The following PARD3 variants were observed in gnomAD, a reference collection of about 807,000 sequenced individuals.
PARD3 encodes partitioning defective 3 homolog.
A neutral mutation model predicts 155.4 loss-of-function variants in PARD3; 75 were observed. The ratio of observed to expected loss-of-function variants is 0.48; its 90% CI spans 0.40 to 0.58. The LOEUF (loss-of-function observed/expected upper bound fraction) is 0.58, where lower values mean the gene tolerates loss of function less well. Among genes scored for constraint, PARD3 ranks in the 20% least tolerant of loss-of-function variants. The pLI, the probability that PARD3 is intolerant of heterozygous loss-of-function variation, is 0.00. For missense variants in PARD3, 1,642 were observed against 1,721.7 expected, an observed-to-expected ratio of 0.95 and a Z score of 0.82; for synonymous variants, 576 against 610.5, an observed-to-expected ratio of 0.94 and a Z score of 0.83.
intron 1 of PARD3, among the ~76,000 whole-genome samples, chr10:34,753,169 A>T (rs1230613785): frequency 6.6e-6 from 1 of 152,154 alleles, no homozygotes; most frequent in East Asian, 1.9e-4. Flanking sequence ...GTGTGTACAA[A>T]CGAAGTCTCT....
chr10:34,563,174 A>T (rs989303023), intron 2 of PARD3, among the ~76,000 whole-genome samples: 1 of 152,110 alleles, frequency 6.6e-6, no homozygotes, highest in African/African-American at 2.4e-5. Flanking sequence ...TCTACATACA[A>T]CCATATTTTG....
chr10:34,459,768 ATTTG>A (rs2077531611), intron 4 of PARD3, among the ~76,000 whole-genome samples: 1 of 152,160 alleles, frequency 6.6e-6, no homozygotes, highest in African/African-American at 2.4e-5. Flanking sequence ...AATTACTACA[ATTTG>A]AAAATGAAGA....
intron 22 of PARD3, among the ~76,000 whole-genome samples, chr10:34,167,099 A>G (rs1949566430): frequency 6.6e-6 from 1 of 152,198 alleles, no homozygotes; most frequent in African/African-American, 2.4e-5. Flanking sequence ...CTGCTGTCTA[A>G]ATCTGCCGCT....
chr10:34,253,391 T>C (rs1258010597), intron 22 of PARD3, among the ~76,000 whole-genome samples: 2 of 152,204 alleles, frequency 1.3e-5, no homozygotes, highest in Non-Finnish European at 2.9e-5. Flanking sequence ...ACCAAGAATG[T>C]TAAATTCTTC....
At chr10:34,756,608 C>G (rs868521740) in intron 1 of PARD3, among the ~76,000 whole-genome samples, 1 of 151,814 alleles carries the variant, frequency 6.6e-6, no homozygotes, top group Non-Finnish European at 1.5e-5. Context: ...CATGCACCAC[C>G]ACACTTGACT....
At chr10:34,145,481 C>T (rs546908937) in intron 22 of PARD3, among the ~76,000 whole-genome samples, 17 of 151,698 alleles carry the variant, frequency 1.1e-4, no homozygotes, top group Admixed American at 9.8e-4. Flanking sequence ...CTTTCTTTCT[C>T]ACTATACTGC....
At chr10:34,212,709 T>G (rs1339079983) in intron 22 of PARD3, among the ~76,000 whole-genome samples, 1 of 152,146 alleles carries the variant, frequency 6.6e-6, no homozygotes, top group African/African-American at 2.4e-5. Flanking sequence ...GATGGAGTTC[T>G]GTGGAGCAGC....
At chr10:34,137,279 C>T (rs1564423161) in intron 22 of PARD3, among the ~76,000 whole-genome samples, 1 of 152,108 alleles carries the variant, frequency 6.6e-6, no homozygotes, top group African/African-American at 2.4e-5. Context: ...ATGCCTCTGT[C>T]TCTCTCCTTG....
chr10:34,663,675 G>C (rs186084645), intron 2 of PARD3, among the ~76,000 whole-genome samples: 1 of 152,156 alleles, frequency 6.6e-6, no homozygotes, highest in Non-Finnish European at 1.5e-5. Context: ...AACACAGTGG[G>C]GTGGCACCCT....
intron 1 of PARD3, among the ~76,000 whole-genome samples, chr10:34,713,663 G>T (rs2094477567): frequency 6.6e-6 from 1 of 152,190 alleles, no homozygotes; most frequent in Admixed American, 6.5e-5. Flanking sequence ...CTGCTCAGGA[G>T]GCTGAGGTAG....
rs2078262119 is a variant in PARD3 at position 34,470,197 on chromosome 10, T to C, written c.470A>G (p.Asp157Gly). 1 of 1,613,348 alleles carries C rather than the reference T, an allele frequency of 6.2e-7. No homozygotes were observed. Among genetic ancestry groups the C allele is most frequent in the East Asian group, 2.2e-5 (1 of 44,860 alleles). The change falls in exon 4 of 25, where the codon GAT becomes GGT. Residue 157 changes from aspartate (D) to glycine (G), a missense_variant. By Grantham distance (94) the Asp-to-Gly change is moderately conservative. Transcript: ENST00000374788. Reference protein sequence around the residue: ...ALIGLSTSVSDSNFSSEEPSR... With the variant: ...ALIGLSTSVSGSNFSSEEPSR... ...AGGCTCTTCAGAGGAAAAATTACTA[T>C]CACTGACAGAAGTGGAGAGGCCAAT...
chr10:34,636,047 G>A (rs928600616), intron 2 of PARD3, among the ~76,000 whole-genome samples: 3 of 151,368 alleles, frequency 2.0e-5, no homozygotes, highest in African/African-American at 7.3e-5. Context: ...AAGAAAGAAA[G>A]AAAGAAGAAA....
At chr10:34,511,181 C>T (rs1284422380) in intron 3 of PARD3, among the ~76,000 whole-genome samples, 1 of 152,200 alleles carries the variant, frequency 6.6e-6, no homozygotes, top group African/African-American at 2.4e-5. Flanking sequence ...TGTTCACATG[C>T]TTCTCAGGGT....
chr10:34,530,252 T>C (rs2082753652), intron 2 of PARD3, among the ~76,000 whole-genome samples: 1 of 152,146 alleles, frequency 6.6e-6, no homozygotes, highest in East Asian at 1.9e-4. Context: ...CTGTTTTTTT[T>C]CTCTAAAAAT....
intron 2 of PARD3, among the ~76,000 whole-genome samples, chr10:34,517,695 GC>G (rs1297418795): frequency 3.1e-4 from 47 of 151,618 alleles, no homozygotes; most frequent in Non-Finnish European, 1.3e-4. Context: ...TCTACTACAC[GC>G]CCCCCACACA....
chr10:34,255,916 G>A (rs1564523529), intron 22 of PARD3, among the ~76,000 whole-genome samples: 1 of 152,050 alleles, frequency 6.6e-6, no homozygotes, highest in Non-Finnish European at 1.5e-5. Context: ...AGATTTTAGG[G>A]GGATTCATTT....
At chr10:34,646,456 A>C (rs547744573) in intron 2 of PARD3, among the ~76,000 whole-genome samples, 2 of 152,322 alleles carry the variant, frequency 1.3e-5, no homozygotes, top group African/African-American at 4.8e-5. Context: ...AATGATAGCA[A>C]TGCTATAAAG....
At chr10:34,540,408 T>C (rs2083524109) in intron 2 of PARD3, among the ~76,000 whole-genome samples, 1 of 151,750 alleles carries the variant, frequency 6.6e-6, no homozygotes, top group Non-Finnish European at 1.5e-5. Context: ...GGAAGGAAGG[T>C]GGATGGCGGG....
intron 20 of PARD3, among the ~76,000 whole-genome samples, chr10:34,298,040 T>C (rs1389160428): frequency 1.3e-5 from 2 of 152,228 alleles, no homozygotes; most frequent in African/African-American, 2.4e-5. Flanking sequence ...GGGCAACTCA[T>C]TTAACCTCTT....
Sources: allele counts gnomAD v4.1 joint callset (sites outside exome capture counted in the v4.1 genomes callset), GRCh38; gene constraint gnomAD v4.1.1; transcripts MANE v1.5; gene names NCBI Gene and HGNC (gene_info 2026-07-23, HGNC 2026-07-21).